CAST: variants seen among roughly 807,000 people sequenced by gnomAD.
CAST encodes the protein MIR583 host.
CAST carries 76 observed loss-of-function variants against 119.6 expected under a neutral mutation model. The ratio of observed to expected loss-of-function variants is 0.64; its 90% CI spans 0.53 to 0.77. CAST has a LOEUF of 0.77. Among genes scored for constraint, CAST ranks in the 30% least tolerant of loss-of-function variants. The pLI, the probability that CAST is intolerant of heterozygous loss-of-function variation, is 0.00. For missense variants in CAST, 953 were observed against 946.5 expected (o/e 1.01, Z -0.09); for synonymous variants, 319 against 331.6 (o/e 0.96, Z 0.41).
rs576168142 is a variant in CAST, at chr5:96,557,013, G to A, written c.60+27133G>A. 5.3e-4 allele frequency among the ~76,000 whole-genome samples: 80 copies of A among 152,128 alleles called. 1 individual carries two copies. Among genetic ancestry groups the A allele is most frequent in the Middle Eastern group, 3.4e-3 (1 of 294 alleles). On this transcript the variant is annotated intron_variant, in intron 1 of 11. Coordinates refer to the CAST transcript ENST00000505143. ...CCATCAGAATAACAGGGGATCTCTCGGCAGAAACTCTACAAGCCAGAAGAC... is the reference window on the plus strand; with the variant it reads ...CCATCAGAATAACAGGGGATCTCTCAGCAGAAACTCTACAAGCCAGAAGAC...
chr5:96,346,750 G>A, the CAST span, among the ~76,000 whole-genome samples: 1 of 152,050 alleles, frequency 6.6e-6, no homozygotes, highest in Non-Finnish European at 1.5e-5. Flanking sequence ...GAATTGGTGG[G>A]TTCCATACTC....
the CAST span, among the ~76,000 whole-genome samples, chr5:96,501,571 T>C: frequency 6.6e-6 from 1 of 152,148 alleles, no homozygotes; most frequent in Non-Finnish European, 1.5e-5. Context: ...AATGCAAAAA[T>C]TGACCAGAGG....
chr5:96,656,202 T>A (rs1196263753), intron 1 of CAST, among the ~76,000 whole-genome samples: 1 of 152,234 alleles, frequency 6.6e-6, no homozygotes, highest in Non-Finnish European at 1.5e-5. Context: ...AAAAAAAGTT[T>A]GGAAAAATTA....
At chr5:96,520,005 C>G in the CAST span, among the ~76,000 whole-genome samples, 1 of 152,130 alleles carries the variant, frequency 6.6e-6, no homozygotes, top group East Asian at 1.9e-4. Flanking sequence ...ATTTAAATCC[C>G]TTTTTGGAAA....
At chr5:96,083,967 T>G in the CAST span, among the ~76,000 whole-genome samples, 1 of 152,308 alleles carries the variant, frequency 6.6e-6, no homozygotes, top group African/African-American at 2.4e-5. Flanking sequence ...AGATGTTGCC[T>G]TATGTTTCTA....
the CAST span, among the ~76,000 whole-genome samples, chr5:96,452,664 A>AAAAAAAAAG: frequency 7.4e-6 from 1 of 135,380 alleles, no homozygotes; most frequent in Admixed American, 7.5e-5. Flanking sequence ...AAAAAAAAAA[A>AAAAAAAAAG]AAGAGGCCGG....
Position 96,724,541 on chromosome 5 carries a change from C to G in CAST, c.270+1843C>G, listed in dbSNP as rs138402971. On this transcript the variant is annotated intron_variant, in intron 4 of 31. Coordinates refer to ENST00000675179, the MANE Select transcript of CAST (RefSeq NM_001750.7). ...CAGAAGCATCTACAAAATAAAAGTT[C>G]TCATTAAGACCAGGCATAGTGGCCC... Among the ~76,000 whole-genome samples the G allele has an allele frequency of 2.0e-4, 30 of 152,232 alleles. 1 individual carries two copies. The East Asian group carries it at 5.8e-3, about 29-fold the overall frequency.
chr5:96,618,277 G>A (rs1175907019), intron 1 of CAST, among the ~76,000 whole-genome samples: 2 of 152,238 alleles, frequency 1.3e-5, no homozygotes, highest in African/African-American at 2.4e-5. Context: ...ATGTAACAGA[G>A]CTTTGCAGTC....
the CAST span, among the ~76,000 whole-genome samples, chr5:95,981,626 A>G: frequency 6.6e-6 from 1 of 152,222 alleles, no homozygotes; most frequent in Non-Finnish European, 1.5e-5. Context: ...CTGTAATCCC[A>G]GCACTTTGGC....
intron 1 of CAST, among the ~76,000 whole-genome samples, chr5:96,554,605 A>C (rs1470803598): frequency 6.6e-6 from 1 of 152,264 alleles, no homozygotes; most frequent in East Asian, 1.9e-4. Context: ...AACTATCATC[A>C]GAGTGAACAG....
At chr5:96,662,019 C>T (rs1748574241), upstream of CAST, 1 of 179,658 alleles carries the variant, frequency 5.6e-6, no homozygotes, top group Non-Finnish European at 1.2e-5. Context: ...AGGGTCGAAG[C>T]GTAGACTGGC....
chr5:96,163,527 A>G, the CAST span, among the ~76,000 whole-genome samples: 3 of 152,188 alleles, frequency 2.0e-5, no homozygotes, highest in East Asian at 5.8e-4. Context: ...AGATTTATGA[A>G]GTGGGATTTT....
At chr5:96,406,869 A>G in the CAST span, among the ~76,000 whole-genome samples, 1 of 152,262 alleles carries the variant, frequency 6.6e-6, no homozygotes, top group Non-Finnish European at 1.5e-5. Flanking sequence ...TGACATTTCA[A>G]GATTCACTGT....
At chr5:96,647,841 A>T (rs942422937) in intron 1 of CAST, among the ~76,000 whole-genome samples, 2 of 152,144 alleles carry the variant, frequency 1.3e-5, no homozygotes, top group African/African-American at 4.8e-5. Context: ...GTGAGATAAT[A>T]AATTTATGTT....
the CAST span, among the ~76,000 whole-genome samples, chr5:96,515,800 G>A: frequency 3.3e-5 from 5 of 151,984 alleles, no homozygotes; most frequent in Admixed American, 1.3e-4. Context: ...TGTTCGACTC[G>A]TACACTTTCC....
the CAST span, among the ~76,000 whole-genome samples, chr5:96,280,539 T>C: frequency 6.6e-6 from 1 of 152,238 alleles, no homozygotes; most frequent in Non-Finnish European, 1.5e-5. Context: ...TCAGAAAATC[T>C]GGGTTTTGGC....
intron 27 of CAST, 48 bp from the exon 28 acceptor site, chr5:96,767,390 A>AC: frequency 6.6e-7 from 1 of 1,505,862 alleles, no homozygotes; most frequent in Non-Finnish European, 9.2e-7. Context: ...ACCTAAGTAA[A>AC]CCTTTACAGA....
the CAST span, among the ~76,000 whole-genome samples, chr5:96,160,590 T>C: frequency 6.6e-6 from 1 of 152,192 alleles, no homozygotes; most frequent in African/African-American, 2.4e-5. Context: ...AAGTTTTGAG[T>C]ACACATATGT....
chr5:96,570,765 A>G (rs1746554309), intron 1 of CAST, among the ~76,000 whole-genome samples: 1 of 152,214 alleles, frequency 6.6e-6, no homozygotes, highest in African/African-American at 2.4e-5. Context: ...AATGAATGCA[A>G]TGCTGAAACA....
Sources: gnomAD v4.1 joint callset for allele counts (sites outside exome capture counted in the v4.1 genomes callset) on GRCh38, gnomAD v4.1.1 for gene constraint, MANE v1.5 for transcripts, NCBI Gene and HGNC (gene_info 2026-07-23, HGNC 2026-07-21) for gene names.